The following PIP5K1B variants were observed in gnomAD, a reference collection of about 807,000 sequenced individuals.
PIP5K1B encodes phosphatidylinositol 4-phosphate 5-kinase type-1 beta.
A neutral mutation model predicts 67.0 loss-of-function variants in PIP5K1B; 42 were observed. The ratio of observed to expected loss-of-function variants is 0.63; its 90% CI spans 0.49 to 0.81. The LOEUF (loss-of-function observed/expected upper bound fraction) is 0.81, where lower values mean the gene tolerates loss of function less well. Among genes scored for constraint, PIP5K1B ranks in the 30% least tolerant of loss-of-function variants. The pLI, the probability that PIP5K1B is intolerant of heterozygous loss-of-function variation, is 0.00. For synonymous variants in PIP5K1B, 214 were observed against 231.4 expected (o/e 0.92, Z 0.68); for missense variants, 459 against 646.3 (o/e 0.71, Z 3.14).
intron 4 of PIP5K1B, among the ~76,000 whole-genome samples, chr9:68,861,162 C>G (rs1285057680): frequency 1.3e-5 from 2 of 152,182 alleles, no homozygotes; most frequent in African/African-American, 4.8e-5. Flanking sequence ...AATTTAAATG[C>G]TCTGAAAGGA....
At chr9:68,954,409 T>C (rs1655924482) in intron 14 of PIP5K1B, among the ~76,000 whole-genome samples, 1 of 152,218 alleles carries the variant, frequency 6.6e-6, no homozygotes, top group Non-Finnish European at 1.5e-5. Context: ...CCCAGAGAAC[T>C]GCTCAGCGAA....
chr9:68,744,197 C>G (rs1236581374), intron 2 of PIP5K1B, among the ~76,000 whole-genome samples: 1 of 152,200 alleles, frequency 6.6e-6, no homozygotes, highest in African/African-American at 2.4e-5. Context: ...CCACAGTGAT[C>G]TTCATCCTCA....
At chr9:68,757,850 C>G (rs1830003037) in intron 2 of PIP5K1B, among the ~76,000 whole-genome samples, 1 of 152,120 alleles carries the variant, frequency 6.6e-6, no homozygotes, top group Admixed American at 6.6e-5. Flanking sequence ...TACTCTGACT[C>G]TGCCACCGAG....
chr9:68,803,411 C>T (rs1832709174), intron 2 of PIP5K1B, among the ~76,000 whole-genome samples: 1 of 152,094 alleles, frequency 6.6e-6, no homozygotes, highest in African/African-American at 2.4e-5. Flanking sequence ...ATTCGGAAGA[C>T]CATGAGGAAC....
intron 8 of PIP5K1B, among the ~76,000 whole-genome samples, chr9:68,905,169 A>G (rs1461494747): frequency 1.3e-5 from 2 of 151,944 alleles, no homozygotes; most frequent in Non-Finnish European, 2.9e-5. Context: ...CCCACAAAGT[A>G]TTTGGGGGAG....
In PIP5K1B at chr9:69,007,709, T is replaced by G. The variant is rs759663210; in HGVS notation, c.1621-738T>G. Among the ~76,000 whole-genome samples the G allele has an allele frequency of 4.6e-5, 7 of 152,072 alleles. No homozygotes were observed. The South Asian group carries it at 1.5e-3, about 32-fold the overall frequency. ...CATCTCTACTAAAAATACAAAAAAT[T>G]AGCCAGGCGTGATGGCAGGCAGCTG... On this transcript the variant is annotated intron_variant, in intron 15 of 15. Coordinates refer to ENST00000265382, the MANE Select transcript of PIP5K1B (RefSeq NM_003558.4).
chr9:68,965,077 T>A (rs112154148), intron 14 of PIP5K1B, among the ~76,000 whole-genome samples: 7 of 152,346 alleles, frequency 4.6e-5, no homozygotes, highest in African/African-American at 1.7e-4. Flanking sequence ...ACAGGTAACC[T>A]AGCATAGAAG....
intron 2 of PIP5K1B, among the ~76,000 whole-genome samples, chr9:68,795,410 G>C (rs868200107): frequency 1.4e-4 from 21 of 152,072 alleles, no homozygotes; most frequent in Non-Finnish European, 2.5e-4. Flanking sequence ...CTGGTAACTT[G>C]AATAAATGGA....
intron 2 of PIP5K1B, among the ~76,000 whole-genome samples, chr9:68,765,456 A>C (rs1421204123): frequency 1.3e-5 from 2 of 152,056 alleles, no homozygotes; most frequent in Non-Finnish European, 2.9e-5. Context: ...CATGGAGAAA[A>C]TGGTCGTTCT....
At chr9:68,785,985 A>G in intron 2 of PIP5K1B, 1 of 152,214 alleles carries the variant, frequency 6.6e-6, no homozygotes, top group East Asian at 1.9e-4. Context: ...ACCTTTGGCA[A>G]ATGCAAAACA....
At chr9:68,961,059 T>A (rs903074107) in intron 14 of PIP5K1B, among the ~76,000 whole-genome samples, 41 of 150,694 alleles carry the variant, frequency 2.7e-4, no homozygotes, top group African/African-American at 5.9e-4. Context: ...AAATACAAAA[T>A]ATTAGCCGGG....
chr9:68,926,616 G>C (rs1331121300), intron 12 of PIP5K1B, among the ~76,000 whole-genome samples: 1 of 152,022 alleles, frequency 6.6e-6, no homozygotes, highest in Non-Finnish European at 1.5e-5. Flanking sequence ...CTGTCGCCCA[G>C]GTTGGAGTGC....
chr9:68,812,263 G>A (rs1236071690), intron 2 of PIP5K1B, among the ~76,000 whole-genome samples: 9 of 152,292 alleles, frequency 5.9e-5, no homozygotes, highest in South Asian at 2.1e-4. Flanking sequence ...TCACATATGT[G>A]GCAGCATTTC....
At chr9:68,989,745 C>T (rs562696399) in intron 14 of PIP5K1B, among the ~76,000 whole-genome samples, 12 of 152,182 alleles carry the variant, frequency 7.9e-5, no homozygotes, top group South Asian at 2.1e-4. Context: ...TTTGGGAGGC[C>T]GTGGTGGGTA....
intron 2 of PIP5K1B, among the ~76,000 whole-genome samples, chr9:68,786,577 A>G (rs976654162): frequency 2.6e-5 from 4 of 152,082 alleles, no homozygotes; most frequent in Non-Finnish European, 1.5e-5. Flanking sequence ...GAATCAAATG[A>G]TAGGTAATCA....
chr9:68,724,964 T>C (rs1828081795), intron 1 of PIP5K1B, among the ~76,000 whole-genome samples: 1 of 152,202 alleles, frequency 6.6e-6, no homozygotes, highest in African/African-American at 2.4e-5. Flanking sequence ...AAGTGCCTGC[T>C]TAAAATGTGT....
intron 12 of PIP5K1B, among the ~76,000 whole-genome samples, chr9:68,925,147 T>C (rs1184655253): frequency 6.6e-6 from 1 of 152,158 alleles, no homozygotes; most frequent in East Asian, 1.9e-4. Context: ...TGCCAGAATC[T>C]ATTTAACCAT....
chr9:68,762,552 T>C (rs1587404712), intron 2 of PIP5K1B, among the ~76,000 whole-genome samples: 1 of 152,156 alleles, frequency 6.6e-6, no homozygotes, highest in African/African-American at 2.4e-5. Context: ...TCAAAATTCA[T>C]TGTTAACATT....
chr9:68,791,575 C>T (rs1831973541), intron 2 of PIP5K1B, among the ~76,000 whole-genome samples: 2 of 151,930 alleles, frequency 1.3e-5, no homozygotes. Flanking sequence ...TCTTTTGAGT[C>T]CTCTTGGGGA....
Sources: gnomAD v4.1 joint callset for allele counts (sites outside exome capture counted in the v4.1 genomes callset) on GRCh38, gnomAD v4.1.1 for gene constraint, MANE v1.5 for transcripts, NCBI Gene and HGNC (gene_info 2026-07-23, HGNC 2026-07-21) for gene names.